Variants in CDH13 observed in about 807,000 individuals in gnomAD.
CDH13 encodes the protein cadherin 13.
In CDH13, 24 loss-of-function variants were observed where a neutral mutation model predicts 63.8. That is an observed-to-expected ratio of 0.38 (90% CI 0.27 to 0.53). The LOEUF is 0.53. Among genes scored for constraint, CDH13 ranks in the 20% least tolerant of loss-of-function variants. CDH13 has a pLI of 0.85. For missense variants in CDH13, 1,049 were observed against 903.1 expected (o/e 1.16, Z -2.07); for synonymous variants, 503 against 355.3 (o/e 1.42, Z -4.67).
intron 1 of CDH13, among the ~76,000 whole-genome samples, chr16:82,841,944 GT>G (rs1191181696): frequency 6.6e-6 from 1 of 151,514 alleles, no homozygotes; most frequent in Non-Finnish European, 1.5e-5. Flanking sequence ...CCTGGACATT[GT>G]CAAAACTCAG....
chr16:83,146,104 G>GT, intron 4 of CDH13, among the ~76,000 whole-genome samples: 2 of 149,844 alleles, frequency 1.3e-5, no homozygotes, highest in East Asian at 4.0e-4. Flanking sequence ...TGGGGCAGGA[G>GT]AATCGCTTGA....
intron 8 of CDH13, among the ~76,000 whole-genome samples, chr16:83,656,119 A>G (rs1007513956): frequency 3.3e-5 from 5 of 152,186 alleles, no homozygotes; most frequent in African/African-American, 7.2e-5. Context: ...CCTGGCAACC[A>G]TAAGTCTGTT....
chr16:83,607,221 C>A (rs1344077094), intron 8 of CDH13, among the ~76,000 whole-genome samples: 4 of 152,030 alleles, frequency 2.6e-5, no homozygotes, highest in Non-Finnish European at 4.4e-5. Context: ...AGTTCGAGAC[C>A]AACCTGACCA....
In CDH13 at chr16:83,649,062, A is replaced by G. The variant is rs76967985; in HGVS notation, c.1102-21728A>G. ...GAAAGAATTCACCTTTTTACTTAAA[A>G]TTTCTTAACTCTGTGACTATTCCTG... is the stretch of plus-strand genomic sequence containing the variant. On this transcript the variant is annotated intron_variant, in intron 8 of 13. Coordinates refer to ENST00000567109, the MANE Select transcript of CDH13 (RefSeq NM_001257.5). 3.7e-3 allele frequency among the ~76,000 whole-genome samples: 563 copies of G among 152,300 alleles called. 9 individuals carry two copies. Among genetic ancestry groups the G allele is most frequent in the African/African-American group, 0.013 (538 of 41,566 alleles).
At chr16:82,808,698 A>T (rs566071196) in intron 1 of CDH13, among the ~76,000 whole-genome samples, 1 of 152,220 alleles carries the variant, frequency 6.6e-6, no homozygotes, top group South Asian at 2.1e-4. Flanking sequence ...GGCACAGGTT[A>T]GGCAATTTTA....
intron 7 of CDH13, among the ~76,000 whole-genome samples, chr16:83,579,338 A>T (rs1905328078): frequency 6.6e-6 from 1 of 152,192 alleles, no homozygotes; most frequent in African/African-American, 2.4e-5. Context: ...GGCAATATAT[A>T]AAGAAAAGAG....
At chr16:83,139,773 C>T (rs546710170) in intron 4 of CDH13, among the ~76,000 whole-genome samples, 17 of 152,180 alleles carry the variant, frequency 1.1e-4, no homozygotes, top group East Asian at 5.8e-4. Context: ...GGAGGCCGAC[C>T]GGGTGGATCA....
intron 1 of CDH13, among the ~76,000 whole-genome samples, chr16:82,690,094 G>A (rs1269747946): frequency 1.4e-5 from 2 of 146,588 alleles, no homozygotes; most frequent in East Asian, 2.0e-4. Flanking sequence ...CTTGAACCTG[G>A]GAGGCAGAGG....
intron 5 of CDH13, among the ~76,000 whole-genome samples, chr16:83,306,986 T>A (rs982280227): frequency 6.6e-6 from 1 of 152,178 alleles, no homozygotes. Flanking sequence ...TAGATAGTAA[T>A]GCATACATGA....
chr16:82,762,198 T>C (rs12103151), intron 1 of CDH13, among the ~76,000 whole-genome samples: 12,161 of 152,182 alleles, frequency 0.08, 849 homozygotes, highest in African/African-American at 0.19. Context: ...TTCCCAAAGA[T>C]GAAATGAAGA....
At chr16:82,733,456 T>A (rs1310442746) in intron 1 of CDH13, among the ~76,000 whole-genome samples, 2 of 152,230 alleles carry the variant, frequency 1.3e-5, no homozygotes, top group African/African-American at 2.4e-5. Flanking sequence ...ATGATCATTA[T>A]CTTCTCTGGG....
At chr16:83,738,296 T>C (rs1484393433) in intron 10 of CDH13, among the ~76,000 whole-genome samples, 1 of 152,242 alleles carries the variant, frequency 6.6e-6, no homozygotes, top group African/African-American at 2.4e-5. Flanking sequence ...CAAATGTTTA[T>C]TCCAAATGAG....
At chr16:83,342,621 C>T (rs1475817975) in intron 5 of CDH13, among the ~76,000 whole-genome samples, 3 of 152,144 alleles carry the variant, frequency 2.0e-5, no homozygotes, top group Admixed American at 1.3e-4. Context: ...TCATCCTAAT[C>T]AATGGTGTCT....
At chr16:82,877,323 A>G (rs991938526) in intron 2 of CDH13, among the ~76,000 whole-genome samples, 1 of 152,238 alleles carries the variant, frequency 6.6e-6, no homozygotes, top group Non-Finnish European at 1.5e-5. Context: ...AGATAAATTG[A>G]TATGCATGGA....
At chr16:83,312,443 C>G (rs747489399) in intron 5 of CDH13, among the ~76,000 whole-genome samples, 1 of 152,202 alleles carries the variant, frequency 6.6e-6, no homozygotes, top group Non-Finnish European at 1.5e-5. Context: ...CATACTGTCT[C>G]TTAGGCAGAA....
Position 82,921,185 on chromosome 16 carries a change from G to T in CDH13, c.157+62712G>T, listed in dbSNP as rs72790130. Reference sequence around the variant, plus strand: ...CCATAAATTTGGTGGCTTAAAACAAGAAATTTATTTTCTTACAGTTCTGGA... The same window carrying T: ...CCATAAATTTGGTGGCTTAAAACAATAAATTTATTTTCTTACAGTTCTGGA... On this transcript the variant is annotated intron_variant, in intron 2 of 13. Coordinates refer to ENST00000567109, the MANE Select transcript of CDH13 (RefSeq NM_001257.5). Among the ~76,000 whole-genome samples, 758 of 152,200 alleles carry T rather than the reference G, an allele frequency of 5.0e-3. 3 individuals carry two copies. The highest frequency in any genetic ancestry group is 8.2e-3 in the Non-Finnish European group (560 of 68,008).
intron 4 of CDH13, among the ~76,000 whole-genome samples, chr16:83,147,738 G>A (rs539087005): frequency 1.3e-5 from 2 of 152,104 alleles, no homozygotes; most frequent in Admixed American, 1.3e-4. Flanking sequence ...CATTCCCCTA[G>A]AGGGCTTTTG....
chr16:83,119,692 G>C (rs1345598641), intron 3 of CDH13, among the ~76,000 whole-genome samples: 1 of 152,168 alleles, frequency 6.6e-6, no homozygotes, highest in Non-Finnish European at 1.5e-5. Flanking sequence ...AATGACAGAT[G>C]CAAGTACACC....
In CDH13 at chr16:83,075,624, C is replaced by T. The variant is rs140241691; in HGVS notation, c.366+43406C>T. ...ACTTTGATGTTCTGTGTGAGGTGGA[C>T]GTTAGCACTGTATCTGTACTGAGTT... On this transcript the variant is annotated intron_variant, in intron 3 of 13. Coordinates refer to ENST00000567109, the MANE Select transcript of CDH13 (RefSeq NM_001257.5). 4.4e-4 allele frequency among the ~76,000 whole-genome samples: 67 copies of T among 152,244 alleles called. No homozygotes were observed. The East Asian group carries it at 0.011, about 25-fold the overall frequency.
Sources: gnomAD v4.1 joint callset for allele counts (sites outside exome capture counted in the v4.1 genomes callset) on GRCh38, gnomAD v4.1.1 for gene constraint, MANE v1.5 for transcripts, NCBI Gene and HGNC (gene_info 2026-07-23, HGNC 2026-07-21) for gene names.